The following ZCCHC7 variants were observed in gnomAD, a reference collection of about 807,000 sequenced individuals.
The protein encoded by ZCCHC7 is zinc finger CCHC-type containing 7, also known as zinc finger CCHC domain-containing protein 7.
In ZCCHC7, 35 loss-of-function variants were observed where a neutral mutation model predicts 52.0. The observed-to-expected ratio is 0.67, with a 90% CI of 0.51 to 0.89. ZCCHC7 has a LOEUF of 0.89. ZCCHC7 is among the 40% of genes least tolerant of loss of function. The pLI is 0.00. For synonymous variants in ZCCHC7, 217 were observed against 221.5 expected, an observed-to-expected ratio of 0.98 and a Z score of 0.18; for missense variants, 574 against 649.1, an observed-to-expected ratio of 0.88 and a Z score of 1.26.
chr9:37,205,254 G>C, intron 2 of ZCCHC7: 2 of 344,562 alleles, frequency 5.8e-6, no homozygotes, highest in South Asian at 3.0e-5. Context: ...ACATTTGTGA[G>C]GTGTTCCTTT....
At chr9:37,314,153 G>A (rs916988264) in intron 5 of ZCCHC7, among the ~76,000 whole-genome samples, 4 of 152,134 alleles carry the variant, frequency 2.6e-5, no homozygotes, top group Non-Finnish European at 5.9e-5. Context: ...GAATAAATGT[G>A]TAGAAGATAG....
At chr9:37,308,776 C>G (rs781503488) in intron 5 of ZCCHC7, among the ~76,000 whole-genome samples, 2 of 151,798 alleles carry the variant, frequency 1.3e-5, no homozygotes, top group African/African-American at 2.4e-5. Flanking sequence ...GTCAAGAGAT[C>G]GAGACCATCC....
At chr9:37,228,765 A>T (rs998686584) in intron 2 of ZCCHC7, among the ~76,000 whole-genome samples, 1 of 151,958 alleles carries the variant, frequency 6.6e-6, no homozygotes, top group Non-Finnish European at 1.5e-5. Context: ...ATATTCATAT[A>T]AGAAAATATA....
intron 2 of ZCCHC7, among the ~76,000 whole-genome samples, chr9:37,270,034 G>A (rs1306310938): frequency 6.6e-6 from 1 of 152,074 alleles, no homozygotes; most frequent in South Asian, 2.1e-4. Flanking sequence ...TGTGTATCTG[G>A]TCTGAATTGA....
chr9:37,234,315 G>A (rs565416955), intron 2 of ZCCHC7, among the ~76,000 whole-genome samples: 2 of 152,260 alleles, frequency 1.3e-5, no homozygotes, highest in African/African-American at 2.4e-5. Flanking sequence ...GGCTTCATTC[G>A]TAGGCCTTCT....
intron 2 of ZCCHC7, among the ~76,000 whole-genome samples, chr9:37,207,314 TTTA>T (rs1414369435): frequency 2.0e-5 from 3 of 152,198 alleles, no homozygotes; most frequent in Non-Finnish European, 4.4e-5. Context: ...TGTTCTGGCA[TTTA>T]TTATTTTTTA....
In ZCCHC7 at chr9:37,357,445, C is replaced by G. The variant is rs557938264; in HGVS notation, c.*177C>G. ...CCATGGAGATCTCAATTCTCTGTGT[C>G]CAACAGGATATTAGGTAAGAAAGTA... On this transcript the variant is annotated 3_prime_UTR_variant, in exon 9 of 9. Coordinates refer to ENST00000336755, the MANE Select transcript of ZCCHC7 (RefSeq NM_032226.3). 1 of 500,608 alleles carries G rather than the reference C, an allele frequency of 2.0e-6. No individual in the cohort carries two copies. 31.0% of individuals were successfully genotyped at this position (500,608 alleles called of 1,614,324 possible). A position where few individuals can be genotyped will look rare whatever the true frequency, so the allele number is the denominator to read the frequency against.
chr9:37,294,326 A>T (rs970351728), intron 2 of ZCCHC7, among the ~76,000 whole-genome samples: 3 of 152,194 alleles, frequency 2.0e-5, no homozygotes, highest in African/African-American at 7.2e-5. Context: ...AGTGAGAAAG[A>T]TCCCAAGGGG....
In ZCCHC7 at chr9:37,273,615, G is replaced by A. The variant is rs533789481; in HGVS notation, c.611-28573G>A. On this transcript the variant is annotated intron_variant, in intron 2 of 8. Transcript: ENST00000336755. ...GTAATCATCAACTGTACTGGACTTG[G>A]CAAAGTATCCTGCAGGAATTATTAT... Among the ~76,000 whole-genome samples the A allele has an allele frequency of 4.6e-4, 70 of 152,290 alleles. No individual in the cohort carries two copies. In the South Asian group the frequency reaches 7.9e-3, roughly 17 times the overall value.
At chr9:37,136,779 C>T (rs1843016171) in intron 2 of ZCCHC7, among the ~76,000 whole-genome samples, 1 of 151,902 alleles carries the variant, frequency 6.6e-6, no homozygotes, top group Admixed American at 6.6e-5. Context: ...CCTGGCCCCA[C>T]TTGATTTTTT....
chr9:37,337,184 A>G (rs1830710055), intron 6 of ZCCHC7, among the ~76,000 whole-genome samples: 1 of 152,298 alleles, frequency 6.6e-6, no homozygotes, highest in East Asian at 1.9e-4. Flanking sequence ...AAAATGTGGC[A>G]AATAGATTAA....
rs78559816 is a variant in ZCCHC7, at chr9:37,264,017, C to T, written c.611-38171C>T. Among the ~76,000 whole-genome samples, 139 of 152,268 alleles carry T rather than the reference C, an allele frequency of 9.1e-4. 2 individuals carry two copies. In the East Asian group the frequency reaches 0.024, roughly 27 times the overall value. ...CATGGATAAACGAGTGCCCAAGAGT[C>T]TTTAATTTGATATATGCATTACATT... On this transcript the variant is annotated intron_variant, in intron 2 of 8. Coordinates refer to ENST00000336755, the MANE Select transcript of ZCCHC7 (RefSeq NM_032226.3).
chr9:37,197,158 A>G (rs995021043), intron 2 of ZCCHC7, among the ~76,000 whole-genome samples: 7 of 152,180 alleles, frequency 4.6e-5, no homozygotes, highest in African/African-American at 1.7e-4. Flanking sequence ...GAACTTGTTA[A>G]ACACTTTAAA....
At chr9:37,206,149 T>C (rs990306420) in intron 2 of ZCCHC7, among the ~76,000 whole-genome samples, 2 of 152,258 alleles carry the variant, frequency 1.3e-5, no homozygotes, top group East Asian at 1.9e-4. Flanking sequence ...GTGGAAAGCA[T>C]GTAGGAGGGT....
In ZCCHC7 at chr9:37,130,334, C is replaced by CTTTTT. The variant is rs34589957; in HGVS notation, c.610+3418_610+3422dup. Among the ~76,000 whole-genome samples, 59 of 63,136 alleles carry CTTTTT rather than the reference C, an allele frequency of 9.3e-4. 7 individuals carry two copies. The highest frequency in any genetic ancestry group is 0.013 in the Middle Eastern group (1 of 78). 41.4% of individuals were successfully genotyped at this position (63,136 alleles called of 152,430 possible). A position where few individuals can be genotyped will look rare whatever the true frequency, so the allele number is the denominator to read the frequency against. ...GCTAAGTAATTTACGGAATTCTCTC[C>CTTTTT]TTTTTTTTTTTTTTTTTTTTTTTTT... On this transcript the variant is annotated intron_variant, in intron 2 of 8. Coordinates refer to ENST00000336755, the MANE Select transcript of ZCCHC7 (RefSeq NM_032226.3).
chr9:37,218,599 A>G (rs1026381805), intron 2 of ZCCHC7, among the ~76,000 whole-genome samples: 2 of 152,184 alleles, frequency 1.3e-5, no homozygotes, highest in Non-Finnish European at 2.9e-5. Flanking sequence ...ACTTGAGGTC[A>G]GGAGTTCGAG....
At chr9:37,123,195 GT>G (rs1842397132) in intron 1 of ZCCHC7, among the ~76,000 whole-genome samples, 1 of 5,072 alleles carries the variant, frequency 2.0e-4, no homozygotes, top group Non-Finnish European at 8.8e-4. Context: ...TCAAGGGTGT[GT>G]GTGTGTGTGT....
At chr9:37,334,105 C>T (rs1477775590) in intron 6 of ZCCHC7, 1 of 151,864 alleles carries the variant, frequency 6.6e-6, no homozygotes, top group Non-Finnish European at 1.5e-5. Flanking sequence ...GTTACGTACA[C>T]ATAAAGAGTG....
At chr9:37,144,145 A>G (rs981129985) in intron 2 of ZCCHC7, among the ~76,000 whole-genome samples, 32 of 151,872 alleles carry the variant, frequency 2.1e-4, no homozygotes, top group African/African-American at 7.7e-4. Context: ...ATTTTCAGTG[A>G]TTAGACTTTG....
Sources: allele counts gnomAD v4.1 joint callset (sites outside exome capture counted in the v4.1 genomes callset), GRCh38; gene constraint gnomAD v4.1.1; transcripts MANE v1.5; gene names NCBI Gene and HGNC (gene_info 2026-07-23, HGNC 2026-07-21).